Variants in NAP1L4 observed in about 807,000 individuals in gnomAD.
NAP1L4 encodes nucleosome assembly protein 1 like 4.
Under a neutral mutation model 58.2 loss-of-function variants are expected in NAP1L4, and 15 were observed. The observed-to-expected ratio is 0.26, with a 90% confidence interval of 0.17 to 0.40. NAP1L4 has a LOEUF of 0.40. NAP1L4 is among the 10% of genes least tolerant of loss of function. The pLI, the probability that NAP1L4 is intolerant of heterozygous loss-of-function variation, is 1.00. For missense variants in NAP1L4, 384 were observed against 451.1 expected, an observed-to-expected ratio of 0.85 and a Z score of 1.35; for synonymous variants, 171 against 155.6, an observed-to-expected ratio of 1.10 and a Z score of -0.74.
chr11:2,955,004 T>C lies in NAP1L4; in HGVS notation c.916-358A>G, dbSNP rs1846447677. 6.6e-6 allele frequency among the ~76,000 whole-genome samples: 1 copy of C among 152,184 alleles called. No homozygotes were observed. Among genetic ancestry groups the C allele is most frequent in the South Asian group, 2.1e-4 (1 of 4,838 alleles). On this transcript the variant is annotated intron_variant, in intron 11 of 15. Transcript: ENST00000380542. The surrounding 1 kb of genome is among the most constrained non-coding windows in gnomAD (Gnocchi z 4.2). ...AATCAACATATGAAACACATACTTTTACTTAGATGTGTAATGATTTCAAAT... is the reference window on the plus strand; with the variant it reads ...AATCAACATATGAAACACATACTTTCACTTAGATGTGTAATGATTTCAAAT...
chr11:2,983,211 A>T (rs1051979272), intron 1 of NAP1L4, among the ~76,000 whole-genome samples: 75 of 152,314 alleles, frequency 4.9e-4, no homozygotes, highest in African/African-American at 1.8e-3. Context: ...AGTTCCTGGC[A>T]TAATAAATAT....
chr11:2,966,586 A>C (rs945075817), intron 7 of NAP1L4, among the ~76,000 whole-genome samples: 1 of 152,226 alleles, frequency 6.6e-6, no homozygotes, highest in Non-Finnish European at 1.5e-5. Flanking sequence ...CTTCTGACAT[A>C]AAACAAAACA....
intron 1 of NAP1L4, among the ~76,000 whole-genome samples, chr11:2,982,347 A>C (rs753600797): frequency 6.6e-6 from 1 of 152,162 alleles, no homozygotes; most frequent in Non-Finnish European, 1.5e-5. Context: ...TCCTTACCCC[A>C]CACATACACA....
chr11:2,968,836 ATTTG>A (rs1260498808), intron 7 of NAP1L4, among the ~76,000 whole-genome samples: 1 of 152,158 alleles, frequency 6.6e-6, no homozygotes, highest in African/African-American at 2.4e-5. Flanking sequence ...TTAAGGCAAG[ATTTG>A]TTTCTCTGTT....
rs1482994068 is a variant in NAP1L4 at position 2,991,155 on chromosome 11, T to C, written c.-18+1099A>G. 8.8e-6 allele frequency: 4 copies of C among 456,148 alleles called. No homozygotes were observed. The East Asian group carries it at 2.8e-4, about 32-fold the overall frequency. 28.3% of individuals were successfully genotyped at this position (456,148 alleles called of 1,614,324 possible). Reference sequence around the variant, plus strand: ...AGCGCACAGTCACCCAGGCAGGTGATGTGACACACACGTTAGGGTCTAAAG... The same window carrying C: ...AGCGCACAGTCACCCAGGCAGGTGACGTGACACACACGTTAGGGTCTAAAG... On this transcript the variant is annotated intron_variant, in intron 1 of 15. Transcript: ENST00000380542.
chr11:2,989,419 G>C (rs1414479819), intron 1 of NAP1L4: 1 of 152,098 alleles, frequency 6.6e-6, no homozygotes, highest in East Asian at 1.9e-4. Flanking sequence ...ACGCCTCTTA[G>C]GCCGTCAGGA....
At chr11:2,983,427 C>A (rs968600287) in intron 1 of NAP1L4, among the ~76,000 whole-genome samples, 4 of 152,162 alleles carry the variant, frequency 2.6e-5, no homozygotes, top group Admixed American at 6.5e-5. Context: ...TCATAGCTCA[C>A]TGCAGTCTCA....
At chr11:2,983,839 A>C (rs1199672615) in intron 1 of NAP1L4, 1 of 151,902 alleles carries the variant, frequency 6.6e-6, no homozygotes, top group Non-Finnish European at 1.5e-5. Flanking sequence ...AAAAAACAAA[A>C]TTAGCCAGGC....
chr11:2,961,193 T>C (rs1033787134), intron 8 of NAP1L4, among the ~76,000 whole-genome samples: 3 of 152,004 alleles, frequency 2.0e-5, no homozygotes, highest in African/African-American at 7.3e-5. Context: ...AACAAACCAC[T>C]TGCACAAAGG....
intron 15 of NAP1L4, among the ~76,000 whole-genome samples, chr11:2,947,907 C>T (rs914930571): frequency 2.6e-5 from 4 of 152,234 alleles, no homozygotes; most frequent in African/African-American, 9.6e-5. Context: ...GCCCAGAGCC[C>T]TATGGCTGAA....
intron 4 of NAP1L4, among the ~76,000 whole-genome samples, chr11:2,973,267 AT>A (rs1164261109): frequency 2.6e-5 from 4 of 152,240 alleles, no homozygotes; most frequent in Non-Finnish European, 2.9e-5. Context: ...AATAGTTGTT[AT>A]GTATAACTTT....
rs1350440514 is a variant in NAP1L4 at position 2,948,588 on chromosome 11, G to A, written c.*32+639C>T. Among the ~76,000 whole-genome samples, 3 of 152,144 alleles carry A rather than the reference G, an allele frequency of 2.0e-5. No homozygotes were observed. Among genetic ancestry groups the A allele is most frequent in the Non-Finnish European group, 4.4e-5 (3 of 68,038 alleles). On this transcript the variant is annotated intron_variant, in intron 15 of 15. Transcript: ENST00000380542. This position sits in a 1 kb window ranked among gnomAD's most constrained non-coding sequence, Gnocchi z 5.1. The stretch of plus-strand genomic sequence containing the variant: ...AAGTGGAGTGGGAAACAGCTTCCAG[G>A]CTTACTGACACTCACTTTCATCTAC...
intron 15 of NAP1L4, among the ~76,000 whole-genome samples, 173 bp from the exon 16 acceptor site, chr11:2,945,819 C>G (rs991252391): frequency 1.4e-4 from 21 of 152,342 alleles, no homozygotes; most frequent in African/African-American, 5.1e-4. Context: ...CCCCCTACCA[C>G]CCTGCAGTCA....
At chr11:2,990,283 A>G (rs1204301618) in intron 1 of NAP1L4, 1 of 152,228 alleles carries the variant, frequency 6.6e-6, no homozygotes, top group African/African-American at 2.4e-5. Context: ...AAATCACATC[A>G]TAAGGCCCTG....
chr11:2,960,866 T>TATA (rs1370184729), intron 8 of NAP1L4, among the ~76,000 whole-genome samples: 1 of 152,168 alleles, frequency 6.6e-6, no homozygotes, highest in Non-Finnish European at 1.5e-5. Flanking sequence ...GTTGAGTAAT[T>TATA]TATAGACAGT....
chr11:2,958,687 G>A lies in NAP1L4; in HGVS notation c.747-143C>T, dbSNP rs1158002083. 5.0e-6 allele frequency: 4 copies of A among 794,512 alleles called. No homozygotes were observed. In the East Asian group the frequency reaches 8.1e-5, roughly 16 times the overall value. 49.2% of individuals were successfully genotyped at this position (794,512 alleles called of 1,614,324 possible). A position where few individuals can be genotyped will look rare whatever the true frequency, so the allele number is the denominator to read the frequency against. On this transcript the variant is annotated intron_variant, in intron 9 of 15. Coordinates refer to ENST00000380542, the MANE Select transcript of NAP1L4 (RefSeq NM_005969.4). ...CTGCAAACCAAATACAATGGCCCAT[G>A]AAGTTCATCTGGAGGTTGGCAAAAA...
In NAP1L4 at chr11:2,945,500, T is replaced by A; in HGVS notation, c.*179A>T. ...GAAAATCATGCACTTGAAAACGAGT[T>A]AGATGGAGTAAGCTCTGTCCACGGG... On this transcript the variant is annotated 3_prime_UTR_variant, in exon 16 of 16. Transcript: ENST00000380542. 1.1e-6 allele frequency: 1 copy of A among 917,920 alleles called. No homozygotes were observed. The highest frequency in any genetic ancestry group is 1.6e-6 in the Non-Finnish European group (1 of 624,684). 56.9% of individuals were successfully genotyped at this position (917,920 alleles called of 1,614,324 possible).
At chr11:2,985,736 T>C (rs547971627) in intron 1 of NAP1L4, among the ~76,000 whole-genome samples, 28 of 147,548 alleles carry the variant, frequency 1.9e-4, no homozygotes, top group Non-Finnish European at 3.9e-4. Flanking sequence ...AGTTAAATTA[T>C]GAAAGGGATA....
Position 2,944,607 on chromosome 11 carries a change from C to A in NAP1L4, c.*1072G>T, listed in dbSNP as rs184190119. On this transcript the variant is annotated 3_prime_UTR_variant, in exon 16 of 16. Coordinates refer to ENST00000380542, the MANE Select transcript of NAP1L4 (RefSeq NM_005969.4). ...AGAGCGCCGTCACCCACTTGAAAAC[C>A]CCACCCACCAGCCGCCAAGCGGTCA... 1.3e-5 allele frequency: 2 copies of A among 152,454 alleles called. No individual in the cohort carries two copies. The highest frequency in any genetic ancestry group is 3.9e-4 in the East Asian group (2 of 5,192). The allele number at this position is 152,454 out of a possible 1,614,324, so 9.4% of individuals were successfully genotyped here.
Sources: gnomAD v4.1 joint callset for allele counts (sites outside exome capture counted in the v4.1 genomes callset) on GRCh38, gnomAD v4.1.1 for gene constraint, Gnocchi (gnomAD v3.1) non-coding constraint, MANE v1.5 for transcripts, NCBI Gene and HGNC (gene_info 2026-07-23, HGNC 2026-07-21) for gene names.